RPS19: variants seen among roughly 807,000 people sequenced by gnomAD.
RPS19 encodes small ribosomal subunit protein eS19.
In RPS19, 1 loss-of-function variant was observed where a neutral mutation model predicts 20.3. The ratio of observed to expected loss-of-function variants is 0.05; its 90% CI spans 0.02 to 0.23. The LOEUF is 0.23. Ranked by LOEUF, RPS19 falls within the 10% of genes least tolerant of loss-of-function variation. RPS19 has a pLI of 1.00. For synonymous variants in RPS19, 87 were observed against 74.8 expected, an observed-to-expected ratio of 1.16 and a Z score of -0.84; for missense variants, 111 against 192.7, an observed-to-expected ratio of 0.58 and a Z score of 2.51.
intron 1 of RPS19, chr19:41,860,556 A>G (rs2074017051): frequency 1.7e-6 from 1 of 593,614 alleles, no homozygotes; most frequent in Non-Finnish European, 3.1e-6. Flanking sequence ...CCTCACACGC[A>G]GGGGCCGGGC....
chr19:41,861,420 C>T, intron 3 of RPS19: 3 of 591,700 alleles, frequency 5.1e-6, no homozygotes, highest in Middle Eastern at 2.7e-4. Flanking sequence ...AGAGGAGGAC[C>T]TGTGGCTTTG....
intron 3 of RPS19, among the ~76,000 whole-genome samples, chr19:41,867,332 C>G (rs2074101172): frequency 6.6e-6 from 1 of 151,996 alleles, no homozygotes; most frequent in Non-Finnish European, 1.5e-5. Context: ...GAGACAGAGT[C>G]TCACTCTGTC....
intron 1 of RPS19, 166 bp from the exon 2 acceptor site, chr19:41,860,606 GCTC>G (rs1423206442): frequency 5.5e-6 from 4 of 730,116 alleles, no homozygotes; most frequent in African/African-American, 5.1e-5. Context: ...GCGTCGGTGA[GCTC>G]CTTCAGACCC....
rs937471162 is a variant in RPS19 at position 41,860,651 on chromosome 19, G to A, written c.1-124G>A. The A allele has an allele frequency of 3.7e-5, 30 of 821,280 alleles. No homozygotes were observed. In the African/African-American group the frequency reaches 4.5e-4, roughly 12 times the overall value. 50.9% of individuals were successfully genotyped at this position (821,280 alleles called of 1,614,324 possible). A position where few individuals can be genotyped will look rare whatever the true frequency, so the allele number is the denominator to read the frequency against. ...GCCGGAGCCCGGCGTTGAAGGGGCC[G>A]TGGGAAGTAACGGGGGGTACCACGG... On this transcript the variant is annotated intron_variant, in intron 1 of 5. Transcript: ENST00000598742.
chr19:41,870,568 A>G (rs536990327), intron 5 of RPS19, among the ~76,000 whole-genome samples: 7 of 151,728 alleles, frequency 4.6e-5, no homozygotes, highest in Non-Finnish European at 1.0e-4. Flanking sequence ...CATGGTAGTG[A>G]GGAGTCAGTG....
chr19:41,861,198 T>A lies in RPS19; in HGVS notation c.158T>A (p.Phe53Tyr). The stretch of plus-strand genomic sequence containing the variant: ...CTTGCTCCCTACGATGAGAACTGGT[T>A]CTACACGCGAGCTGGTGAGGAACTT... ...KELAPYDENWFYTRAASTARH... is the reference protein window; with the variant it reads ...KELAPYDENWYYTRAASTARH... Residue 53 changes from phenylalanine to tyrosine, a missense_variant, in exon 3 of 6, where the codon TTC (phenylalanine) becomes TAC (tyrosine). Phe to Tyr is a conservative substitution (Grantham distance 22, BLOSUM62 3). Transcript: ENST00000598742. The A allele has an allele frequency of 6.2e-7, 1 of 1,613,788 alleles. No individual in the cohort carries two copies. The highest frequency in any genetic ancestry group is 8.5e-7 in the Non-Finnish European group (1 of 1,179,692).
intron 3 of RPS19, chr19:41,861,496 T>A (rs570453621): frequency 2.2e-6 from 1 of 445,802 alleles, no homozygotes; most frequent in East Asian, 4.7e-5. Context: ...TAATCCTTTC[T>A]ATATACACGG....
chr19:41,871,246 C>A, intron 5 of RPS19, 105 bp from the exon 6 acceptor site: 1 of 948,320 alleles, frequency 1.1e-6, no homozygotes, highest in Non-Finnish European at 1.7e-6. Flanking sequence ...CATTTGAAAC[C>A]ACAAATCGGG....
In RPS19 at chr19:41,871,428, GTC is replaced by G; in HGVS notation, c.*55_*56del. 2.5e-6 allele frequency: 4 copies of G among 1,570,750 alleles called. No homozygotes were observed. The highest frequency in any genetic ancestry group is 2.0e-4 in the Middle Eastern group (1 of 5,120). On this transcript the variant is annotated 3_prime_UTR_variant, in exon 6 of 6. Transcript: ENST00000598742. ...TGCCTCATTCGTAATCCTGGTCTGG[GTC>G]TCTTTTTTGAGTCTCTTGCTCTGTC...
At chr19:41,860,746 G>A (rs1555838995) in intron 1 of RPS19, 29 bp from the exon 2 acceptor site, 14 of 1,570,770 alleles carry the variant, frequency 8.9e-6, no homozygotes, top group Non-Finnish European at 1.1e-5. Context: ...TGCCAGGCCT[G>A]TGTTCACATG....
chr19:41,862,035 C>CAGTA (rs34187085), intron 3 of RPS19, among the ~76,000 whole-genome samples: 2 of 151,580 alleles, frequency 1.3e-5, no homozygotes, highest in Non-Finnish European at 2.9e-5. Flanking sequence ...CACCGACCTT[C>CAGTA]ACTAAGGGGC....
At chr19:41,869,480 C>A (rs1395274197) in intron 4 of RPS19, 1 of 615,202 alleles carries the variant, frequency 1.6e-6, no homozygotes. Context: ...TTTTTCGGGG[C>A]TTTTGATCTA....
chr19:41,871,731 G>A lies in RPS19; in HGVS notation c.*354G>A, dbSNP rs113157175. On this transcript the variant is annotated 3_prime_UTR_variant, in exon 6 of 6. Coordinates refer to ENST00000598742, the MANE Select transcript of RPS19 (RefSeq NM_001022.4). ...GTCAAACAGTTCCCATCTGGGTTTGGAGGAAGGACCCAGGGGCCCTTGTGG... is the reference window on the plus strand; with the variant it reads ...GTCAAACAGTTCCCATCTGGGTTTGAAGGAAGGACCCAGGGGCCCTTGTGG... 8.5e-4 allele frequency: 266 copies of A among 312,948 alleles called. No homozygotes were observed. The highest frequency in any genetic ancestry group is 1.5e-3 in the Admixed American group (33 of 21,852). 19.4% of individuals were successfully genotyped at this position (312,948 alleles called of 1,614,324 possible).
chr19:41,869,845 C>T, intron 5 of RPS19, 92 bp downstream of exon 5: 1 of 1,354,980 alleles, frequency 7.4e-7, no homozygotes, highest in Admixed American at 1.7e-5. Context: ...TTATTTCCTT[C>T]TCTGGAGGGC....
intron 3 of RPS19, among the ~76,000 whole-genome samples, chr19:41,867,170 G>T (rs1214278524): frequency 6.6e-6 from 1 of 151,822 alleles, no homozygotes; most frequent in Non-Finnish European, 1.5e-5. Context: ...GGGCGTGGTG[G>T]CTTGCACCTG....
intron 3 of RPS19, among the ~76,000 whole-genome samples, chr19:41,865,677 G>A (rs914665359): frequency 5.3e-5 from 8 of 152,102 alleles, no homozygotes; most frequent in South Asian, 2.1e-4. Context: ...GGCCCGGCGC[G>A]GTGGCTCACA....
chr19:41,863,162 T>G (rs2074050937), intron 3 of RPS19, among the ~76,000 whole-genome samples: 1 of 152,130 alleles, frequency 6.6e-6, no homozygotes, highest in Non-Finnish European at 1.5e-5. Context: ...GGACTACAGG[T>G]GCCTATCAGT....
At chr19:41,866,391 A>T (rs1555840522) in intron 3 of RPS19, among the ~76,000 whole-genome samples, 1 of 152,256 alleles carries the variant, frequency 6.6e-6, no homozygotes, top group Non-Finnish European at 1.5e-5. Context: ...GGATGGCAGC[A>T]GCTGCTGGGT....
chr19:41,870,350 G>A (rs1167649542), intron 5 of RPS19, among the ~76,000 whole-genome samples: 4 of 152,144 alleles, frequency 2.6e-5, no homozygotes, highest in East Asian at 1.9e-4. Context: ...GTCAGCCTGC[G>A]ATGTTTCCCC....
Sources: allele counts gnomAD v4.1 joint callset (sites outside exome capture counted in the v4.1 genomes callset), GRCh38; gene constraint gnomAD v4.1.1; transcripts MANE v1.5; gene names NCBI Gene and HGNC (gene_info 2026-07-23, HGNC 2026-07-21).